The following SPEN variants were observed in gnomAD, a reference collection of about 807,000 sequenced individuals.
The protein encoded by SPEN is msx2-interacting protein.
Under a neutral mutation model 269.9 loss-of-function variants are expected in SPEN, and 18 were observed. The ratio of observed to expected loss-of-function variants is 0.07; its 90% CI spans 0.05 to 0.10. The LOEUF (loss-of-function observed/expected upper bound fraction) is 0.10, where lower values mean the gene tolerates loss of function less well. Ranked by LOEUF, SPEN falls within the 10% of genes least tolerant of loss-of-function variation. The pLI is 1.00. For synonymous variants in SPEN, 1,726 were observed against 1,765.7 expected, an observed-to-expected ratio of 0.98 and a Z score of 0.56; for missense variants, 3,822 against 4,631.2, an observed-to-expected ratio of 0.83 and a Z score of 5.07.
At chr1:15,890,986 G>T (rs2070782760) in intron 3 of SPEN, among the ~76,000 whole-genome samples, 1 of 152,172 alleles carries the variant, frequency 6.6e-6, no homozygotes. Flanking sequence ...ATAGCCACAT[G>T]TGACTAGTGG....
At position 15,876,394 on chromosome 1, in the gene SPEN, C is replaced by T. The variant is rs1443439830; in HGVS notation, c.597C>T (p.Pro199=). The T allele has an allele frequency of 1.3e-5, 21 of 1,613,968 alleles. No individual in the cohort carries two copies. In the Middle Eastern group the frequency reaches 6.6e-4, roughly 51 times the overall value. The change falls in exon 3 of 15, where the codon CCC becomes CCT. Residue 199 remains proline, a synonymous_variant. Coordinates refer to ENST00000375759, the MANE Select transcript of SPEN (RefSeq NM_015001.3). ...RSPNRFDAHD[P]RYEPRAREQF... Reference sequence around the variant, plus strand: ...CAAATCGCTTTGATGCTCATGACCCCCGATATGAACCTAGGGCTCGCGAGC... The same window carrying T: ...CAAATCGCTTTGATGCTCATGACCCTCGATATGAACCTAGGGCTCGCGAGC...
chr1:15,867,855 C>T (rs1307723512), intron 1 of SPEN, among the ~76,000 whole-genome samples: 1 of 151,746 alleles, frequency 6.6e-6, no homozygotes, highest in Non-Finnish European at 1.5e-5. Context: ...CTCTCTGTAT[C>T]CGTATATGTG....
intron 3 of SPEN, among the ~76,000 whole-genome samples, chr1:15,898,173 TTGTGTGTGTGTGTGTG>T (rs58297957): frequency 1.3e-4 from 19 of 147,388 alleles, no homozygotes; most frequent in Admixed American, 9.5e-4. Context: ...TAATTTATCT[TTGTGTGTGTGTGTGTG>T]TGTGTGTGTG....
chr1:15,871,539 C>T (rs766818327), intron 1 of SPEN, among the ~76,000 whole-genome samples: 2 of 151,966 alleles, frequency 1.3e-5, no homozygotes, highest in Admixed American at 6.6e-5. Flanking sequence ...GGTGATCCAC[C>T]TGCCTGGGCC....
At position 15,935,966 on chromosome 1, in the gene SPEN, C is replaced by A; in HGVS notation, c.9726C>A (p.Ala3242=). Residue 3242 remains alanine, a synonymous_variant, in exon 11 of 15, where the codon GCC becomes GCA. Coordinates refer to ENST00000375759, the MANE Select transcript of SPEN (RefSeq NM_015001.3). This position sits in a 1 kb window ranked among gnomAD's most constrained non-coding sequence, Gnocchi z 7.7. ...EAAKTPDAKA[A]PTPTPAPVPV... is the part of the protein sequence containing the mutation. ...CCAAGACACCAGATGCCAAAGCTGCCCCCACCCCCACCCCTGCCCCCGTCC... is the reference window on the plus strand; with the variant it reads ...CCAAGACACCAGATGCCAAAGCTGCACCCACCCCCACCCCTGCCCCCGTCC... The A allele has an allele frequency of 1.9e-6, 3 of 1,546,494 alleles. No homozygotes were observed. Among genetic ancestry groups the A allele is most frequent in the Non-Finnish European group, 1.7e-6 (2 of 1,147,582 alleles).
At chr1:15,919,820 A>G (rs2071099436) in intron 8 of SPEN, among the ~76,000 whole-genome samples, 1 of 152,222 alleles carries the variant, frequency 6.6e-6, no homozygotes, top group African/African-American at 2.4e-5. Context: ...TTAAAATTAG[A>G]TAGTCTGACT....
At chr1:15,909,191 G>A (rs1209733445) in intron 3 of SPEN, 130 bp from the exon 4 acceptor site, 1 of 911,188 alleles carries the variant, frequency 1.1e-6, no homozygotes, top group Non-Finnish European at 1.7e-6. Flanking sequence ...AGATAGATGT[G>A]TAGAATGCAG....
intron 3 of SPEN, among the ~76,000 whole-genome samples, chr1:15,902,259 G>C (rs2070909628): frequency 6.6e-6 from 1 of 152,138 alleles, no homozygotes; most frequent in South Asian, 2.1e-4. Context: ...GGTTTAGTAA[G>C]ATAGTTAGAT....
chr1:15,927,977 T>G, intron 10 of SPEN, 114 bp from the exon 11 acceptor site: 5 of 993,404 alleles, frequency 5.0e-6, no homozygotes, highest in Non-Finnish European at 7.3e-6. Context: ...TCACAAATGA[T>G]TAAATAATGT....
chr1:15,862,950 A>T (rs1176431251), intron 1 of SPEN, among the ~76,000 whole-genome samples: 2 of 152,066 alleles, frequency 1.3e-5, no homozygotes, highest in Non-Finnish European at 2.9e-5. Flanking sequence ...TTTAGTAGAG[A>T]TGGGGTTTCA....
intron 1 of SPEN, among the ~76,000 whole-genome samples, chr1:15,854,429 T>C (rs2070365642): frequency 6.6e-6 from 1 of 152,216 alleles, no homozygotes; most frequent in Admixed American, 6.5e-5. Context: ...ATGAAAATAG[T>C]GTACTCCTCT....
chr1:15,908,201 C>T (rs1449418591), intron 3 of SPEN, among the ~76,000 whole-genome samples: 1 of 152,066 alleles, frequency 6.6e-6, no homozygotes, highest in Non-Finnish European at 1.5e-5. Context: ...AGTAACTGAG[C>T]AGTGCTGCTT....
intron 1 of SPEN, among the ~76,000 whole-genome samples, chr1:15,862,899 C>G (rs1209686959): frequency 6.6e-6 from 1 of 151,968 alleles, no homozygotes; most frequent in Non-Finnish European, 1.5e-5. Flanking sequence ...GTAGCTGGGA[C>G]TACAGGTGCC....
chr1:15,936,210 C>G lies in SPEN; in HGVS notation c.9970C>G (p.Gln3324Glu). The change falls in exon 11 of 15, where the codon CAG becomes GAG. Residue 3324 changes from glutamine (Q) to glutamate (E), a missense_variant. Gln to Glu is a conservative substitution (Grantham distance 29, BLOSUM62 2). Coordinates refer to ENST00000375759, the MANE Select transcript of SPEN (RefSeq NM_015001.3). ...CCCCCCGGCCCAGCTCACACACACT[C>G]AGTTTCCCGCCGCTTCCTCTGTTGG... ...YHPPAQLTHT[Q>E]FPAASSVGLP... 6.4e-7 allele frequency: 1 copy of G among 1,568,898 alleles called. No homozygotes were observed. Among genetic ancestry groups the G allele is most frequent in the Admixed American group, 1.7e-5 (1 of 57,148 alleles).
chr1:15,907,730 A>G (rs2070973337), intron 3 of SPEN, among the ~76,000 whole-genome samples: 2 of 152,208 alleles, frequency 1.3e-5, no homozygotes, highest in African/African-American at 4.8e-5. Context: ...AAATCTGTAA[A>G]TAACTTTTTA....
intron 1 of SPEN, among the ~76,000 whole-genome samples, chr1:15,851,291 CAAT>C (rs1361687282): frequency 1.3e-5 from 2 of 152,022 alleles, no homozygotes. Context: ...TCTTTTCTTG[CAAT>C]AATAATAAAT....
At chr1:15,911,440 T>G in intron 5 of SPEN, 139 bp downstream of exon 5, 1 of 705,454 alleles carries the variant, frequency 1.4e-6, no homozygotes, top group Non-Finnish European at 2.4e-6. Context: ...TGTCTTCTGT[T>G]TTAAAAGATG....
At position 15,932,745 on chromosome 1, in the gene SPEN, A is replaced by T. The variant is rs199856318; in HGVS notation, c.6505A>T (p.Met2169Leu). ...AGAAGCCACCCAGTTAGCCAAGCAG[A>T]TGGAGCTGGAGCAGGCCGTGGAACA... ...SPEATQLAKQ[M>L]ELEQAVEHIA... Residue 2169 changes from methionine (M) to leucine (L), a missense_variant, in exon 11 of 15, where the codon ATG becomes TTG. Met to Leu is a conservative substitution (Grantham distance 15). This residue lies in a region of SPEN where 727 missense variants were observed against 737.9 expected (regional missense o/e 0.99). Transcript: ENST00000375759. The surrounding 1 kb of genome is among the most constrained non-coding windows in gnomAD (Gnocchi z 4.2). 2.4e-5 allele frequency: 38 copies of T among 1,614,194 alleles called. No individual in the cohort carries two copies.
At chr1:15,925,402 G>GT (rs1342132944) in intron 10 of SPEN, among the ~76,000 whole-genome samples, 1 of 152,174 alleles carries the variant, frequency 6.6e-6, no homozygotes, top group African/African-American at 2.4e-5. Context: ...CATGGTCCAA[G>GT]TGCCAGTTGT....
Sources: gnomAD v4.1 joint callset for allele counts (sites outside exome capture counted in the v4.1 genomes callset) on GRCh38, gnomAD v4.1.1 for gene constraint, gnomAD v4.1.1 regional missense constraint, Gnocchi (gnomAD v3.1) non-coding constraint, MANE v1.5 for transcripts, NCBI Gene and HGNC (gene_info 2026-07-23, HGNC 2026-07-21) for gene names.